The following SNTB1 variants were observed in gnomAD, a reference collection of about 807,000 sequenced individuals.
The protein encoded by SNTB1 is syntrophin beta 1, also known as beta-1-syntrophin.
In SNTB1, 36 loss-of-function variants were observed where a neutral mutation model predicts 48.9. The ratio of observed to expected loss-of-function variants is 0.74; its 90% CI spans 0.56 to 0.97. The LOEUF is 0.97. Among genes scored for constraint, SNTB1 ranks in the 50% least tolerant of loss-of-function variants. The pLI is 0.00. For synonymous variants in SNTB1, 299 were observed against 294.6 expected, an observed-to-expected ratio of 1.01 and a Z score of -0.15; for missense variants, 786 against 703.4, an observed-to-expected ratio of 1.12 and a Z score of -1.33.
intron 4 of SNTB1, among the ~76,000 whole-genome samples, chr8:120,566,313 G>A (rs1196639350): frequency 8.4e-6 from 1 of 119,666 alleles, no homozygotes; most frequent in African/African-American, 3.1e-5. Flanking sequence ...TGGGCGACAA[G>A]AGCAAGACTC....
intron 4 of SNTB1, among the ~76,000 whole-genome samples, chr8:120,569,567 C>T (rs940239478): frequency 1.3e-5 from 2 of 152,186 alleles, no homozygotes; most frequent in East Asian, 1.9e-4. Flanking sequence ...GAAGAGCCTG[C>T]GAGACGACAT....
chr8:120,786,773 C>A (rs1357671141), intron 1 of SNTB1, among the ~76,000 whole-genome samples: 1 of 152,160 alleles, frequency 6.6e-6, no homozygotes, highest in Non-Finnish European at 1.5e-5. Context: ...TGAAATACCT[C>A]ATTGCATTTC....
intron 2 of SNTB1, among the ~76,000 whole-genome samples, chr8:120,673,987 G>A (rs1817795858): frequency 6.6e-6 from 1 of 152,178 alleles, no homozygotes; most frequent in Non-Finnish European, 1.5e-5. Context: ...GCTGTACAGT[G>A]GCCATAGTTG....
intron 1 of SNTB1, among the ~76,000 whole-genome samples, chr8:120,764,167 C>G (rs1819475960): frequency 6.6e-6 from 1 of 152,036 alleles, no homozygotes; most frequent in Non-Finnish European, 1.5e-5. Context: ...TTGGACTCTA[C>G]AAAATGTTCA....
chr8:120,806,000 T>A (rs1820328827), intron 1 of SNTB1, among the ~76,000 whole-genome samples: 1 of 152,236 alleles, frequency 6.6e-6, no homozygotes, highest in Non-Finnish European at 1.5e-5. Flanking sequence ...AGGGAGTTAA[T>A]CCGTGTAAAG....
chr8:120,792,101 GCACACA>G, intron 1 of SNTB1, among the ~76,000 whole-genome samples: 1 of 148,846 alleles, frequency 6.7e-6, no homozygotes, highest in Non-Finnish European at 1.5e-5. Flanking sequence ...TACTAAAGAA[GCACACA>G]CACACACACA....
At chr8:120,700,793 A>G (rs191133244) in intron 1 of SNTB1, among the ~76,000 whole-genome samples, 72 of 152,348 alleles carry the variant, frequency 4.7e-4, no homozygotes, top group African/African-American at 1.5e-3. Flanking sequence ...ACAGGCTACT[A>G]ATGAGGAAAT....
At chr8:120,756,595 T>G (rs1819321171) in intron 1 of SNTB1, among the ~76,000 whole-genome samples, 1 of 152,006 alleles carries the variant, frequency 6.6e-6, no homozygotes, top group Non-Finnish European at 1.5e-5. Flanking sequence ...AGAGTAAGAA[T>G]ATAAAAACTA....
chr8:120,688,357 AT>A (rs1818068142), intron 2 of SNTB1, among the ~76,000 whole-genome samples: 1 of 152,158 alleles, frequency 6.6e-6, no homozygotes, highest in African/African-American at 2.4e-5. Context: ...TCCCAAGACT[AT>A]TTAGTGGAAT....
chr8:120,705,403 A>G (rs1818365072), intron 1 of SNTB1, among the ~76,000 whole-genome samples: 1 of 152,208 alleles, frequency 6.6e-6, no homozygotes, highest in South Asian at 2.1e-4. Flanking sequence ...ACCTAGAAAA[A>G]CAATGTACAG....
At chr8:120,784,105 T>C (rs1326535763) in intron 1 of SNTB1, among the ~76,000 whole-genome samples, 6 of 152,132 alleles carry the variant, frequency 3.9e-5, no homozygotes, top group African/African-American at 1.4e-4. Context: ...GCAATTCTCC[T>C]GCCTCAGCTT....
At chr8:120,659,380 C>G (rs867485321) in intron 2 of SNTB1, among the ~76,000 whole-genome samples, 1 of 152,116 alleles carries the variant, frequency 6.6e-6, no homozygotes, top group African/African-American at 2.4e-5. Flanking sequence ...TAAGAAACGA[C>G]GCCTGCATTT....
At position 120,588,577 on chromosome 8, in the gene SNTB1, G is replaced by C. The variant is rs1483054694; in HGVS notation, c.997-13352C>G. ...TTCCTGGCAGCAAGGAGGGAGTCTA[G>C]TAGTAAGGACATAAATCTTATCTGA... On this transcript the variant is annotated intron_variant, in intron 3 of 6. Coordinates refer to ENST00000517992, the MANE Select transcript of SNTB1 (RefSeq NM_021021.4). Among the ~76,000 whole-genome samples, 5 of 151,838 alleles carry C rather than the reference G, an allele frequency of 3.3e-5. No homozygotes were observed. The East Asian group carries it at 9.7e-4, about 29-fold the overall frequency.
chr8:120,770,657 A>T (rs748890797), intron 1 of SNTB1, among the ~76,000 whole-genome samples: 80 of 152,234 alleles, frequency 5.3e-4, no homozygotes, highest in South Asian at 1.2e-3. Flanking sequence ...TACTAAAAAT[A>T]CAAAAATTAG....
chr8:120,608,853 A>G (rs950815286), intron 3 of SNTB1, among the ~76,000 whole-genome samples: 1 of 152,254 alleles, frequency 6.6e-6, no homozygotes, highest in Admixed American at 6.5e-5. Flanking sequence ...AGTGGGACAT[A>G]GAAAGCAAAG....
At chr8:120,654,795 T>C in intron 2 of SNTB1, 2 of 333,778 alleles carry the variant, frequency 6.0e-6, no homozygotes, top group Non-Finnish European at 1.2e-5. Flanking sequence ...AACATGAGGC[T>C]AATACATAAA....
chr8:120,623,521 T>A (rs919073000), intron 3 of SNTB1, among the ~76,000 whole-genome samples: 3 of 152,228 alleles, frequency 2.0e-5, no homozygotes, highest in Non-Finnish European at 4.4e-5. Flanking sequence ...TGCTTCCCAG[T>A]GCTTCTGCTG....
intron 4 of SNTB1, among the ~76,000 whole-genome samples, chr8:120,561,235 G>T (rs541262721): frequency 6.8e-6 from 1 of 147,144 alleles, no homozygotes; most frequent in Admixed American, 7.0e-5. Flanking sequence ...GCTGAGGATC[G>T]CTTGAACCCA....
At chr8:120,751,594 A>G (rs1819215084) in intron 1 of SNTB1, among the ~76,000 whole-genome samples, 1 of 152,100 alleles carries the variant, frequency 6.6e-6, no homozygotes, top group African/African-American at 2.4e-5. Context: ...ATTTTTCTTT[A>G]CCCATAAGCA....
Sources: gnomAD v4.1 joint callset for allele counts (sites outside exome capture counted in the v4.1 genomes callset) on GRCh38, gnomAD v4.1.1 for gene constraint, MANE v1.5 for transcripts, NCBI Gene and HGNC (gene_info 2026-07-23, HGNC 2026-07-21) for gene names.